ASTN2: variants seen among roughly 807,000 people sequenced by gnomAD.
The protein encoded by ASTN2 is astrotactin 2, also known as astrotactin-2.
Under a neutral mutation model 139.8 loss-of-function variants are expected in ASTN2, and 54 were observed. That is an observed-to-expected ratio of 0.39 (90% CI 0.31 to 0.48). The LOEUF (loss-of-function observed/expected upper bound fraction) is 0.48, where lower values mean the gene tolerates loss of function less well. Among genes scored for constraint, ASTN2 ranks in the 20% least tolerant of loss-of-function variants. The pLI is 0.95. For missense variants in ASTN2, 1,565 were observed against 1,725.1 expected (o/e 0.91, Z 1.64); for synonymous variants, 756 against 719.5 (o/e 1.05, Z -0.81).
chr9:117,005,960 G>T (rs1019776410), intron 7 of ASTN2, among the ~76,000 whole-genome samples: 2 of 152,098 alleles, frequency 1.3e-5, no homozygotes, highest in Non-Finnish European at 2.9e-5. Context: ...ACAAGTGCAG[G>T]CTCCCAGCAC....
At chr9:116,880,837 G>T (rs1378444526) in intron 10 of ASTN2, among the ~76,000 whole-genome samples, 1 of 152,148 alleles carries the variant, frequency 6.6e-6, no homozygotes, top group Non-Finnish European at 1.5e-5. Flanking sequence ...GGCACTCACA[G>T]GTGCTGAGAC....
intron 10 of ASTN2, among the ~76,000 whole-genome samples, chr9:116,974,761 G>T (rs922343184): frequency 7.2e-5 from 11 of 152,018 alleles, no homozygotes; most frequent in Non-Finnish European, 1.3e-4. Flanking sequence ...CACCTGCCTT[G>T]GCCTCCCAAA....
chr9:116,446,915 T>A (rs1461684396), intron 20 of ASTN2, among the ~76,000 whole-genome samples: 2 of 152,200 alleles, frequency 1.3e-5, no homozygotes, highest in African/African-American at 2.4e-5. Flanking sequence ...TTTCAATATT[T>A]CTTCATCATT....
intron 17 of ASTN2, among the ~76,000 whole-genome samples, chr9:116,638,517 T>C (rs1588125564): frequency 7.1e-6 from 1 of 141,572 alleles, no homozygotes; most frequent in East Asian, 2.1e-4. Context: ...TTTTTCAATA[T>C]GGGCTGTGGG....
At chr9:117,070,709 C>A (rs10817994) in intron 5 of ASTN2, among the ~76,000 whole-genome samples, 11,961 of 147,806 alleles carry the variant, frequency 0.081, 520 homozygotes, top group South Asian at 0.17. Context: ...TTGCTCATTT[C>A]TTTTTATTCT....
At chr9:117,218,018 C>G (rs1041027032) in intron 2 of ASTN2, among the ~76,000 whole-genome samples, 2 of 152,224 alleles carry the variant, frequency 1.3e-5, no homozygotes, top group Non-Finnish European at 2.9e-5. Flanking sequence ...AGCTGAGATT[C>G]AAACTAGCTC....
intron 19 of ASTN2, among the ~76,000 whole-genome samples, chr9:116,513,823 G>C (rs1199530144): frequency 6.6e-6 from 1 of 152,034 alleles, no homozygotes; most frequent in African/African-American, 2.4e-5. Flanking sequence ...TCGTCACGTA[G>C]TTATCGTGCC....
chr9:116,836,891 A>ATT (rs137872995), intron 11 of ASTN2, among the ~76,000 whole-genome samples: 18 of 150,130 alleles, frequency 1.2e-4, no homozygotes, highest in Non-Finnish European at 1.6e-4. Context: ...TGGCTTTTAC[A>ATT]TTTTTTTTTT....
At chr9:116,884,686 C>T (rs1334053130) in intron 10 of ASTN2, among the ~76,000 whole-genome samples, 3 of 151,830 alleles carry the variant, frequency 2.0e-5, no homozygotes, top group Non-Finnish European at 2.9e-5. Context: ...AAAACCTCCT[C>T]TTCTGGTAGT....
intron 19 of ASTN2, chr9:116,611,347 C>G (rs1855530104): frequency 6.6e-6 from 1 of 151,984 alleles, no homozygotes; most frequent in African/African-American, 2.4e-5. Flanking sequence ...GCTACCATTT[C>G]AAAAATTAAA....
intron 6 of ASTN2, among the ~76,000 whole-genome samples, chr9:117,027,985 T>C (rs1838145766): frequency 6.6e-6 from 1 of 152,136 alleles, no homozygotes; most frequent in African/African-American, 2.4e-5. Flanking sequence ...GATCCATAAT[T>C]AGTAAGTGGA....
At chr9:117,193,308 A>T (rs1387174204) in intron 3 of ASTN2, among the ~76,000 whole-genome samples, 5 of 152,140 alleles carry the variant, frequency 3.3e-5, no homozygotes, top group Non-Finnish European at 7.4e-5. Context: ...GGAAAGAGGC[A>T]GTTTGGTATA....
At chr9:117,068,378 A>C (rs1236451131) in intron 5 of ASTN2, among the ~76,000 whole-genome samples, 1 of 58,464 alleles carries the variant, frequency 1.7e-5, no homozygotes, top group South Asian at 7.3e-4. Context: ...ATGGTGGATA[A>C]GCTTTTTGAT....
At chr9:116,867,743 C>T (rs895510547) in intron 10 of ASTN2, among the ~76,000 whole-genome samples, 4 of 152,004 alleles carry the variant, frequency 2.6e-5, no homozygotes, top group Admixed American at 2.6e-4. Flanking sequence ...TCTGCATAAA[C>T]ATCAGTTACA....
intron 13 of ASTN2, among the ~76,000 whole-genome samples, chr9:116,771,573 CATGAATGAATGA>C (rs542107463): frequency 6.6e-6 from 1 of 152,088 alleles, no homozygotes; most frequent in Non-Finnish European, 1.5e-5. Flanking sequence ...AGTAGGAGCT[CATGAATGAATGA>C]ATGAATGAAT....
At chr9:116,686,760 C>A in intron 16 of ASTN2, 1 of 1,550,642 alleles carries the variant, frequency 6.4e-7, no homozygotes, top group Non-Finnish European at 8.7e-7. Flanking sequence ...CTGTCGGCCT[C>A]CCAGCTGAGT....
intron 17 of ASTN2, among the ~76,000 whole-genome samples, chr9:116,626,152 G>GTTTTTTTTT (rs1856443805): frequency 3.0e-5 from 1 of 33,248 alleles, no homozygotes; most frequent in African/African-American, 1.2e-4. Flanking sequence ...GTTAGTTTTT[G>GTTTTTTTTT]TGTTTTTTTT....
chr9:117,396,716 C>T (rs1424749212), intron 1 of ASTN2, among the ~76,000 whole-genome samples: 1 of 152,004 alleles, frequency 6.6e-6, no homozygotes, highest in Non-Finnish European at 1.5e-5. Context: ...CAGGTATGCA[C>T]CACCATGCCC....
At position 116,847,022 on chromosome 9, in the gene ASTN2, AAAAAC is replaced by A. The variant is rs1199943582; in HGVS notation, c.2040+16556_2040+16560del. Among the ~76,000 whole-genome samples the A allele has an allele frequency of 2.9e-3, 354 of 120,632 alleles. 4 individuals carry two copies. The highest frequency in any genetic ancestry group is 0.023 in the South Asian group (84 of 3,720). The allele number at this position is 120,632 out of a possible 152,430, so 79.1% of individuals were successfully genotyped here. ...GCTTCATTCTCAAAAAAAAAAAAAA[AAAAAC>A]AAAAAACAAAAAACAAAAAACAAAA... On this transcript the variant is annotated intron_variant, in intron 11 of 22. Coordinates refer to ENST00000313400, the MANE Select transcript of ASTN2 (RefSeq NM_001365068.1).
Sources: allele counts gnomAD v4.1 joint callset (sites outside exome capture counted in the v4.1 genomes callset), GRCh38; gene constraint gnomAD v4.1.1; transcripts MANE v1.5; gene names NCBI Gene and HGNC (gene_info 2026-07-23, HGNC 2026-07-21).